Variants in MAPK8 observed in about 807,000 individuals in gnomAD.
MAPK8 encodes the protein JUN N-terminal kinase.
Under a neutral mutation model 52.9 loss-of-function variants are expected in MAPK8, and 13 were observed. The ratio of observed to expected loss-of-function variants is 0.25; its 90% CI spans 0.16 to 0.39. The LOEUF (loss-of-function observed/expected upper bound fraction) is 0.39. Among genes scored for constraint, MAPK8 ranks in the 10% least tolerant of loss-of-function variants. The pLI, the probability that MAPK8 is intolerant of heterozygous loss-of-function variation, is 1.00. For synonymous variants in MAPK8, 191 were observed against 169.8 expected, an observed-to-expected ratio of 1.12 and a Z score of -0.97; for missense variants, 300 against 519.2, an observed-to-expected ratio of 0.58 and a Z score of 4.10.
chr10:48,386,100 G>A (rs2041296116), intron 1 of MAPK8, among the ~76,000 whole-genome samples: 1 of 152,076 alleles, frequency 6.6e-6, no homozygotes, highest in Non-Finnish European at 1.5e-5. Context: ...TTAATTTGCA[G>A]TTTTAGGAAT....
chr10:48,392,454 GTTA>G (rs1364813790), intron 1 of MAPK8, among the ~76,000 whole-genome samples: 1 of 151,826 alleles, frequency 6.6e-6, no homozygotes, highest in Non-Finnish European at 1.5e-5. Context: ...TTATATATAT[GTTA>G]TTATCTAATA....
intron 5 of MAPK8, among the ~76,000 whole-genome samples, chr10:48,418,656 G>A (rs867660202): frequency 5.9e-5 from 9 of 152,102 alleles, no homozygotes; most frequent in Middle Eastern, 3.2e-3. Context: ...AGAATGTTGG[G>A]TTAGTTCCAC....
At position 48,377,300 on chromosome 10, in the gene MAPK8, T is replaced by C. The variant is rs182791136; in HGVS notation, c.-49-24312T>C. 1.0e-3 allele frequency among the ~76,000 whole-genome samples: 156 copies of C among 152,062 alleles called. No homozygotes were observed. In the Middle Eastern group the frequency reaches 0.034, roughly 33 times the overall value. ...GTGCAGCAAACCACCATGGCACATG[T>C]ATACCTATGTAACAGACCTGCACAT... On this transcript the variant is annotated intron_variant, in intron 1 of 11. Transcript: ENST00000374189.
intron 10 of MAPK8, 58 bp from the exon 11 acceptor site, chr10:48,431,135 C>G (rs369655477): frequency 1.9e-6 from 2 of 1,047,976 alleles, no homozygotes; most frequent in East Asian, 2.4e-5. Flanking sequence ...ACCATACATG[C>G]GTTGTGAGAT....
intron 1 of MAPK8, among the ~76,000 whole-genome samples, chr10:48,327,233 T>A (rs906665211): frequency 6.6e-5 from 10 of 152,174 alleles, no homozygotes; most frequent in Non-Finnish European, 7.4e-5. Flanking sequence ...TAGATTTTTT[T>A]AAAAAATCAA....
In MAPK8 at chr10:48,405,968, A is replaced by G. The variant is rs569505447; in HGVS notation, c.252+987A>G. On this transcript the variant is annotated intron_variant, in intron 3 of 11. Coordinates refer to ENST00000374189, the MANE Select transcript of MAPK8 (RefSeq NM_001323329.2). Reference sequence around the variant, plus strand: ...CAATGGTGTTTTGAATACAAAACAGACATACAGAGAGTTAAATATCAAACA... The same window carrying G: ...CAATGGTGTTTTGAATACAAAACAGGCATACAGAGAGTTAAATATCAAACA... Among the ~76,000 whole-genome samples the G allele has an allele frequency of 4.6e-5, 7 of 152,354 alleles. No homozygotes were observed. The East Asian group carries it at 9.6e-4, about 21-fold the overall frequency.
chr10:48,383,389 T>C (rs1004953867), intron 1 of MAPK8, among the ~76,000 whole-genome samples: 17 of 152,142 alleles, frequency 1.1e-4, no homozygotes, highest in African/African-American at 4.1e-4. Context: ...GGGAAAAGGA[T>C]CAGTAACAAA....
At chr10:48,330,951 T>G (rs1844080821) in intron 1 of MAPK8, among the ~76,000 whole-genome samples, 1 of 152,180 alleles carries the variant, frequency 6.6e-6, no homozygotes, top group Non-Finnish European at 1.5e-5. Flanking sequence ...GTACTTAGAT[T>G]TGTTTCTCGG....
At chr10:48,430,940 A>C (rs1459139683) in intron 10 of MAPK8, 1 of 496,866 alleles carries the variant, frequency 2.0e-6, no homozygotes, top group Non-Finnish European at 3.6e-6. Flanking sequence ...CCCCAGCACT[A>C]TCAAACCAAC....
chr10:48,427,658 A>AT (rs2043769619), intron 10 of MAPK8, among the ~76,000 whole-genome samples: 2 of 151,782 alleles, frequency 1.3e-5, no homozygotes, highest in African/African-American at 2.4e-5. Flanking sequence ...CACCCGGCTA[A>AT]TTTTTTTGTA....
At chr10:48,402,098 C>T (rs142160512) in intron 2 of MAPK8, among the ~76,000 whole-genome samples, 1 of 152,270 alleles carries the variant, frequency 6.6e-6, no homozygotes, top group East Asian at 1.9e-4. Context: ...CTTTGAGCAT[C>T]ATGTCAGTGC....
chr10:48,424,537 A>G (rs1200646948), intron 7 of MAPK8: 1 of 1,602,770 alleles, frequency 6.2e-7, no homozygotes, highest in South Asian at 1.1e-5. Context: ...AGTTGGGTGC[A>G]TCATGGGAGA....
chr10:48,318,224 A>C (rs895832142), intron 1 of MAPK8, among the ~76,000 whole-genome samples: 3 of 152,152 alleles, frequency 2.0e-5, no homozygotes, highest in African/African-American at 2.4e-5. Context: ...TTTGCTATTA[A>C]AGCCTTACCA....
intron 1 of MAPK8, among the ~76,000 whole-genome samples, chr10:48,351,272 A>AT (rs66660207): frequency 0.028 from 3,606 of 129,412 alleles, 296 homozygotes; most frequent in African/African-American, 0.098. Flanking sequence ...ATAACTTTGA[A>AT]TTTTTTTTTT....
At chr10:48,403,244 G>A (rs2042252131) in intron 2 of MAPK8, among the ~76,000 whole-genome samples, 1 of 152,132 alleles carries the variant, frequency 6.6e-6, no homozygotes, top group African/African-American at 2.4e-5. Context: ...TGGATCATGA[G>A]GTCAGGAGTT....
At chr10:48,424,196 C>T (rs761417770) in intron 7 of MAPK8, 37 bp downstream of exon 7, 13 of 1,524,670 alleles carry the variant, frequency 8.5e-6, no homozygotes, top group South Asian at 2.3e-5. Flanking sequence ...ATTAGTTAGG[C>T]GATGAACTTC....
At chr10:48,375,419 G>GTATT (rs2040597387) in intron 1 of MAPK8, among the ~76,000 whole-genome samples, 2 of 152,086 alleles carry the variant, frequency 1.3e-5, no homozygotes, top group Non-Finnish European at 2.9e-5. Flanking sequence ...GAAATAAAGG[G>GTATT]TATTCAGTTA....
chr10:48,401,135 A>G (rs17698002), intron 1 of MAPK8, among the ~76,000 whole-genome samples: 9,423 of 152,294 alleles, frequency 0.062, 627 homozygotes, highest in Admixed American at 0.21. Flanking sequence ...GACACATGCT[A>G]GTCAACTTAT....
intron 1 of MAPK8, among the ~76,000 whole-genome samples, chr10:48,388,637 T>C (rs376884755): frequency 7.2e-5 from 11 of 152,286 alleles, no homozygotes; most frequent in South Asian, 4.1e-4. Context: ...CACACTCTTA[T>C]CTGTTTCTTC....
Sources: allele counts gnomAD v4.1 joint callset (sites outside exome capture counted in the v4.1 genomes callset), GRCh38; gene constraint gnomAD v4.1.1; transcripts MANE v1.5; gene names NCBI Gene and HGNC (gene_info 2026-07-23, HGNC 2026-07-21).